Variants in TMED3 observed in about 807,000 individuals in gnomAD.
The protein encoded by TMED3 is transmembrane emp24 domain-containing protein 3.
TMED3 carries 9 observed loss-of-function variants against 15.0 expected under a neutral mutation model. The observed-to-expected ratio is 0.60, with a 90% CI of 0.36 to 1.04. TMED3 has a LOEUF of 1.04. Ranked by LOEUF, TMED3 falls within the 50% of genes least tolerant of loss-of-function variation. The pLI is 0.01. For missense variants in TMED3, 267 were observed against 278.9 expected (o/e 0.96, Z 0.30); for synonymous variants, 117 against 121.4 (o/e 0.96, Z 0.24).
intron 2 of TMED3, among the ~76,000 whole-genome samples, chr15:79,400,331 G>A (rs564308702): frequency 2.0e-5 from 3 of 152,002 alleles, no homozygotes; most frequent in South Asian, 4.2e-4. Flanking sequence ...TGGCTTCTTC[G>A]GTGATCTGTA....
intron 2 of TMED3, among the ~76,000 whole-genome samples, chr15:79,335,481 C>G (rs1488369825): frequency 6.6e-6 from 1 of 152,182 alleles, no homozygotes; most frequent in East Asian, 1.9e-4. Context: ...AAATGATACA[C>G]TGCTAATTTG....
intron 2 of TMED3, among the ~76,000 whole-genome samples, chr15:79,337,718 T>C (rs899497324): frequency 6.6e-6 from 1 of 152,216 alleles, no homozygotes; most frequent in Admixed American, 6.5e-5. Context: ...AACAGTTCGG[T>C]AGTGATCAAA....
intron 2 of TMED3, among the ~76,000 whole-genome samples, chr15:79,316,785 C>T (rs886616374): frequency 5.9e-5 from 9 of 152,086 alleles, no homozygotes; most frequent in African/African-American, 1.5e-4. Flanking sequence ...AGGTCACACA[C>T]GAGGAGACCT....
At chr15:79,345,216 A>G (rs781641818) in intron 2 of TMED3, among the ~76,000 whole-genome samples, 2 of 152,168 alleles carry the variant, frequency 1.3e-5, no homozygotes, top group Non-Finnish European at 2.9e-5. Flanking sequence ...CACTGGTGTC[A>G]TGGGGGTTTG....
intron 2 of TMED3, among the ~76,000 whole-genome samples, chr15:79,363,465 C>T (rs1354489486): frequency 1.5e-5 from 2 of 130,940 alleles, no homozygotes; most frequent in African/African-American, 5.5e-5. Flanking sequence ...TTATAATTTG[C>T]TTTTTAAAAC....
intron 2 of TMED3, among the ~76,000 whole-genome samples, chr15:79,397,812 A>T (rs1428945042): frequency 2.0e-5 from 3 of 152,204 alleles, no homozygotes; most frequent in Non-Finnish European, 4.4e-5. Context: ...TTCAGGGTAT[A>T]GTTTTTAATA....
At chr15:79,369,980 C>G (rs1893305875) in intron 2 of TMED3, among the ~76,000 whole-genome samples, 1 of 152,216 alleles carries the variant, frequency 6.6e-6, no homozygotes, top group African/African-American at 2.4e-5. Context: ...AGTGGGCATG[C>G]TTTGGTTTAT....
rs528304049 is a variant in TMED3 at position 79,339,223 on chromosome 15, C to T, written c.417+25218C>T. 2.6e-5 allele frequency among the ~76,000 whole-genome samples: 4 copies of T among 152,332 alleles called. No individual in the cohort carries two copies. In the East Asian group the frequency reaches 5.8e-4, roughly 22 times the overall value. On this transcript the variant is annotated intron_variant, in intron 2 of 2. Transcript: ENST00000424155. ...GGAAGGGCCCCCTGTCCAGTGGACA[C>T]GTGACCCACATGGCCTTACCTATCA... is the stretch of plus-strand genomic sequence containing the variant.
exon 3 of TMED3, chr15:79,411,507 G>C (rs895299488): frequency 1.9e-5 from 13 of 702,002 alleles, no homozygotes; most frequent in Non-Finnish European, 7.8e-6. Flanking sequence ...CCTCCTAACA[G>C]ATTTTCAGCG....
intron 2 of TMED3, among the ~76,000 whole-genome samples, chr15:79,402,970 G>A (rs1893853585): frequency 2.0e-5 from 3 of 151,328 alleles, no homozygotes; most frequent in South Asian, 4.2e-4. Flanking sequence ...TGTAATCCTA[G>A]CACTTTGGGA....
chr15:79,407,682 C>T (rs1453557071), intron 2 of TMED3, among the ~76,000 whole-genome samples: 1 of 152,140 alleles, frequency 6.6e-6, no homozygotes, highest in Non-Finnish European at 1.5e-5. Flanking sequence ...TTATGTATTG[C>T]CTAGAGCTGC....
chr15:79,330,006 G>GCC (rs2058802238), intron 2 of TMED3, among the ~76,000 whole-genome samples: 1 of 152,168 alleles, frequency 6.6e-6, no homozygotes, highest in Non-Finnish European at 1.5e-5. Flanking sequence ...ATTTAGAGAT[G>GCC]CCCGGTGGTC....
At chr15:79,320,077 G>A (rs2141216676) in intron 2 of TMED3, among the ~76,000 whole-genome samples, 1 of 152,316 alleles carries the variant, frequency 6.6e-6, no homozygotes, top group Admixed American at 6.5e-5. Flanking sequence ...CCCTTTCCCA[G>A]TCTGCTAAGT....
intron 1 of TMED3, among the ~76,000 whole-genome samples, chr15:79,312,072 G>T (rs2058717990): frequency 6.6e-6 from 1 of 152,226 alleles, no homozygotes. Context: ...GGTGACAGGA[G>T]CAGGTCTTGA....
intron 2 of TMED3, among the ~76,000 whole-genome samples, chr15:79,387,733 C>T (rs1893645001): frequency 6.6e-6 from 1 of 152,096 alleles, no homozygotes; most frequent in South Asian, 2.1e-4. Context: ...CCAATCCATT[C>T]CTTTCCATTT....
intron 2 of TMED3, among the ~76,000 whole-genome samples, chr15:79,403,676 C>T (rs1893864435): frequency 1.3e-5 from 2 of 152,152 alleles, no homozygotes; most frequent in African/African-American, 4.8e-5. Context: ...CTCAAAATGA[C>T]CAGGTGGTAG....
chr15:79,382,977 G>T, intron 2 of TMED3: 3 of 1,535,450 alleles, frequency 2.0e-6, no homozygotes, highest in Non-Finnish European at 2.6e-6. Context: ...GGGTCCCAGT[G>T]CTTCACCAAC....
chr15:79,375,372 T>C (rs749192581), intron 2 of TMED3, among the ~76,000 whole-genome samples: 9 of 152,172 alleles, frequency 5.9e-5, no homozygotes, highest in East Asian at 3.9e-4. Flanking sequence ...TCTGTGATGG[T>C]TGGGAAATGA....
At chr15:79,326,457 C>G (rs1040439320), downstream of TMED3, among the ~76,000 whole-genome samples, 2 of 152,214 alleles carry the variant, frequency 1.3e-5, no homozygotes, top group African/African-American at 2.4e-5. Flanking sequence ...CATGTTCTCT[C>G]TGGTTCTATA....
Sources: allele counts gnomAD v4.1 joint callset (sites outside exome capture counted in the v4.1 genomes callset), GRCh38; gene constraint gnomAD v4.1.1; transcripts MANE v1.5; gene names NCBI Gene and HGNC (gene_info 2026-07-23, HGNC 2026-07-21).